The following C12orf42 variants were observed in gnomAD, a reference collection of about 807,000 sequenced individuals.
The protein encoded by C12orf42 is uncharacterized protein C12orf42.
C12orf42 carries 25 observed loss-of-function variants against 21.6 expected under a neutral mutation model. That is an observed-to-expected ratio of 1.16 (90% CI 0.84 to 1.62). The LOEUF (loss-of-function observed/expected upper bound fraction) is 1.62, where lower values mean the gene tolerates loss of function less well. Ranked by LOEUF, C12orf42 falls within the 40% of genes most tolerant of loss-of-function variation. The pLI, the probability that C12orf42 is intolerant of heterozygous loss-of-function variation, is 0.00. For synonymous variants in C12orf42, 174 were observed against 175.0 expected (o/e 0.99, Z 0.05); for missense variants, 483 against 459.3 (o/e 1.05, Z -0.47).
intron 2 of C12orf42, among the ~76,000 whole-genome samples, chr12:103,443,118 A>G (rs1206941938): frequency 6.6e-6 from 1 of 152,136 alleles, no homozygotes; most frequent in East Asian, 1.9e-4. Flanking sequence ...CTGAAATCAA[A>G]CAGCACAAGT....
chr12:103,401,607 C>A lies in C12orf42; in HGVS notation c.147G>T (p.Lys49Asn), dbSNP rs1235799353. 1 of 1,613,848 alleles carries A rather than the reference C, an allele frequency of 6.2e-7. No homozygotes were observed. The highest frequency in any genetic ancestry group is 8.5e-7 in the Non-Finnish European group (1 of 1,179,750). ...TLWDRSTPSA[K>N]HIPCYERTSV... is the part of the protein sequence containing the mutation. ...TGCACATAACATTCCGCTGACTCACCTTTGCACTGGGTGTGCTTCTATCCC... is the reference window on the plus strand; with the variant it reads ...TGCACATAACATTCCGCTGACTCACATTTGCACTGGGTGTGCTTCTATCCC... The change falls in exon 3 of 6, where the codon AAG becomes AAT. Residue 49 changes from lysine (K) to asparagine (N), a missense_variant and splice_region_variant. Coordinates refer to ENST00000548883, the MANE Select transcript of C12orf42 (RefSeq NM_198521.5).
At chr12:103,373,092 G>C (rs1367682879) in intron 3 of C12orf42, among the ~76,000 whole-genome samples, 1 of 152,132 alleles carries the variant, frequency 6.6e-6, no homozygotes, top group African/African-American at 2.4e-5. Flanking sequence ...GTGGCTTTTA[G>C]TTGATTCACT....
At chr12:103,232,909 A>G (rs987757900), downstream of C12orf42, among the ~76,000 whole-genome samples, 2 of 152,084 alleles carry the variant, frequency 1.3e-5, no homozygotes, top group Non-Finnish European at 2.9e-5. Flanking sequence ...TTTTTTATTG[A>G]TACATAATAG....
intron 1 of C12orf42, among the ~76,000 whole-genome samples, chr12:103,483,072 G>A (rs2138083519): frequency 6.6e-6 from 1 of 152,080 alleles, no homozygotes; most frequent in African/African-American, 2.4e-5. Flanking sequence ...GTCTAAAATT[G>A]GTGTCTGTTA....
At position 103,326,200 on chromosome 12, in the gene C12orf42, T is replaced by C. The variant is rs76510940; in HGVS notation, c.260-19855A>G. On this transcript the variant is annotated intron_variant, in intron 4 of 5. Coordinates refer to ENST00000548883, the MANE Select transcript of C12orf42 (RefSeq NM_198521.5). ...GAGTCAGGATTCAGACACAAGGTGATTGGGCTTCAGAACCAATATTCTTTC... is the reference window on the plus strand; with the variant it reads ...GAGTCAGGATTCAGACACAAGGTGACTGGGCTTCAGAACCAATATTCTTTC... 9.3e-3 allele frequency among the ~76,000 whole-genome samples: 1,409 copies of C among 152,318 alleles called. 21 individuals carry two copies. The highest frequency in any genetic ancestry group is 0.032 in the African/African-American group (1,340 of 41,558).
At chr12:103,544,153 G>T in the C12orf42 span, among the ~76,000 whole-genome samples, 1 of 152,090 alleles carries the variant, frequency 6.6e-6, no homozygotes, top group African/African-American at 2.4e-5. Context: ...AAAGTGCTGG[G>T]ATTAGAGGTG....
chr12:103,135,057 A>C, the C12orf42 span, among the ~76,000 whole-genome samples: 1 of 152,232 alleles, frequency 6.6e-6, no homozygotes, highest in African/African-American at 2.4e-5. Flanking sequence ...TTAATTAAGG[A>C]GAAATAAAGT....
chr12:103,063,831 G>A, the C12orf42 span, among the ~76,000 whole-genome samples: 1 of 152,170 alleles, frequency 6.6e-6, no homozygotes, highest in Non-Finnish European at 1.5e-5. Flanking sequence ...TGGAGAACAG[G>A]CATGGGAATG....
chr12:103,083,892 C>T, the C12orf42 span, among the ~76,000 whole-genome samples: 3 of 152,302 alleles, frequency 2.0e-5, no homozygotes, highest in Admixed American at 1.3e-4. Flanking sequence ...CCAGACTCCT[C>T]AACTACAGAA....
At chr12:103,388,232 C>T (rs2046784652) in intron 3 of C12orf42, among the ~76,000 whole-genome samples, 1 of 152,178 alleles carries the variant, frequency 6.6e-6, no homozygotes, top group South Asian at 2.1e-4. Flanking sequence ...AGAGTCTCTT[C>T]CTGTCTGGCC....
At chr12:103,395,488 A>T (rs796478913) in intron 3 of C12orf42, among the ~76,000 whole-genome samples, 33 of 152,050 alleles carry the variant, frequency 2.2e-4, no homozygotes, top group African/African-American at 7.5e-4. Flanking sequence ...GGCGCCCACC[A>T]CCACGCCCGG....
chr12:103,562,528 C>A, the C12orf42 span, among the ~76,000 whole-genome samples: 1 of 152,174 alleles, frequency 6.6e-6, no homozygotes, highest in Admixed American at 6.5e-5. Flanking sequence ...CATAGGTTTC[C>A]CTGACTCTAG....
intron 4 of C12orf42, among the ~76,000 whole-genome samples, chr12:103,336,491 G>A (rs1034039964): frequency 7.2e-5 from 11 of 152,176 alleles, no homozygotes; most frequent in Non-Finnish European, 1.3e-4. Flanking sequence ...AGTGAGGAGA[G>A]AGGAAAAAAT....
chr12:103,227,851 G>T, the C12orf42 span, among the ~76,000 whole-genome samples: 1 of 152,158 alleles, frequency 6.6e-6, no homozygotes, highest in Non-Finnish European at 1.5e-5. Context: ...CCCAGAAAAT[G>T]AAAGGAATTG....
At chr12:103,418,552 A>G (rs1253357948) in intron 2 of C12orf42, among the ~76,000 whole-genome samples, 1 of 151,950 alleles carries the variant, frequency 6.6e-6, no homozygotes, top group Non-Finnish European at 1.5e-5. Flanking sequence ...GTGAATAAAC[A>G]CAATACTTTT....
At chr12:103,431,051 G>T (rs1441012690) in intron 2 of C12orf42, among the ~76,000 whole-genome samples, 1 of 151,820 alleles carries the variant, frequency 6.6e-6, no homozygotes, top group Admixed American at 6.6e-5. Context: ...ACCATGGCAC[G>T]TGTATACCTA....
chr12:103,496,355 A>G (rs987149254), upstream of C12orf42, among the ~76,000 whole-genome samples: 1 of 152,184 alleles, frequency 6.6e-6, no homozygotes, highest in African/African-American at 2.4e-5. Context: ...GGAATAATGC[A>G]GCCAACAGCA....
At chr12:103,383,597 C>T (rs1376531232) in intron 3 of C12orf42, among the ~76,000 whole-genome samples, 3 of 152,138 alleles carry the variant, frequency 2.0e-5, no homozygotes, top group Non-Finnish European at 4.4e-5. Context: ...ATTTGTGTTT[C>T]TCTGGCTCAC....
chr12:103,415,864 A>T (rs1430419767), intron 2 of C12orf42, among the ~76,000 whole-genome samples: 1 of 152,172 alleles, frequency 6.6e-6, no homozygotes, highest in Admixed American at 6.5e-5. Flanking sequence ...TCTTGTGGAG[A>T]CAGGCACAGC....
Sources: allele counts gnomAD v4.1 joint callset (sites outside exome capture counted in the v4.1 genomes callset), GRCh38; gene constraint gnomAD v4.1.1; transcripts MANE v1.5; gene names NCBI Gene and HGNC (gene_info 2026-07-23, HGNC 2026-07-21).